Variants in CDK3 observed in about 807,000 individuals in gnomAD.
The protein encoded by CDK3 is cyclin-dependent kinase 3.
A neutral mutation model predicts 30.2 loss-of-function variants in CDK3; 24 were observed. The observed-to-expected ratio is 0.79, with a 90% CI of 0.57 to 1.12. CDK3 has a LOEUF of 1.12. CDK3 is among the 50% of genes most tolerant of loss of function. CDK3 has a pLI of 0.00. For synonymous variants in CDK3, 158 were observed against 154.2 expected, an observed-to-expected ratio of 1.02 and a Z score of -0.18; for missense variants, 345 against 376.0, an observed-to-expected ratio of 0.92 and a Z score of 0.68.
In CDK3 at chr17:76,001,329, G is replaced by A. The variant is rs746307381; in HGVS notation, c.-14-83G>A. 65 of 1,580,396 alleles carry A rather than the reference G, an allele frequency of 4.1e-5. No individual in the cohort carries two copies. The highest frequency in any genetic ancestry group is 1.6e-4 in the African/African-American group (12 of 74,334). ...GGGCAGTCTGGGCTGGGCTGGGCTG[G>A]GCAGGGCGCCACATGGAAGCTGGAG... is the stretch of plus-strand genomic sequence containing the variant. On this transcript the variant is annotated intron_variant, in intron 1 of 7. Transcript: ENST00000448471. The surrounding 1 kb of genome is among the most constrained non-coding windows in gnomAD (Gnocchi z 6.2).
rs753067780 is a variant in CDK3 at position 76,001,951 on chromosome 17, G to A, written c.194G>A (p.Arg65Gln). 3.4e-5 allele frequency: 55 copies of A among 1,613,696 alleles called. No individual in the cohort carries two copies. In the Admixed American group the frequency reaches 4.7e-4, roughly 14 times the overall value. Reference protein sequence around the residue: ...LKELKHPNIVRLLDVVHNERK... With the variant: ...LKELKHPNIVQLLDVVHNERK... ...GAACTGAAGCACCCCAACATCGTCCGGTGAGTTGGGGATTGAGGTGGGGAA... is the reference window on the plus strand; with the variant it reads ...GAACTGAAGCACCCCAACATCGTCCAGTGAGTTGGGGATTGAGGTGGGGAA... Residue 65 changes from arginine to glutamine, a missense_variant and splice_region_variant, in exon 3 of 8, where the codon CGA becomes CAA. Coordinates refer to ENST00000448471, the MANE Select transcript of CDK3 (RefSeq NM_001258.4). This position sits in a 1 kb window ranked among gnomAD's most constrained non-coding sequence, Gnocchi z 6.2.
In CDK3 at chr17:76,001,044, C is replaced by CAGGGCGCCACATG. The variant is rs2066253590; in HGVS notation, c.-15+77_-15+78insAGGGCGCCACATG. 1 of 1,151,834 alleles carries CAGGGCGCCACATG rather than the reference C, an allele frequency of 8.7e-7. No individual in the cohort carries two copies. 71.4% of individuals were successfully genotyped at this position (1,151,834 alleles called of 1,614,324 possible). ...GGGGTCCATGTTGGGCTGGGCTGGG[C>CAGGGCGCCACATG]GAGGGGTGGTCTCTGACTTCCTGGG... On this transcript the variant is annotated intron_variant, in intron 1 of 7. Coordinates refer to ENST00000448471, the MANE Select transcript of CDK3 (RefSeq NM_001258.4). The surrounding 1 kb of genome is among the most constrained non-coding windows in gnomAD (Gnocchi z 6.2).
chr17:76,001,474 G>A lies in CDK3; in HGVS notation c.49G>A (p.Val17Met), dbSNP rs1265522160. 5.0e-6 allele frequency: 8 copies of A among 1,614,036 alleles called. No homozygotes were observed. The highest frequency in any genetic ancestry group is 1.3e-5 in the African/African-American group (1 of 74,928). Residue 17 changes from valine to methionine, a missense_variant, in exon 2 of 8, where the codon GTG (valine) becomes ATG (methionine). By Grantham distance (21) the Val-to-Met change is conservative. Coordinates refer to ENST00000448471, the MANE Select transcript of CDK3 (RefSeq NM_001258.4). The surrounding 1 kb of genome is among the most constrained non-coding windows in gnomAD (Gnocchi z 6.2). ...VEKIGEGTYG[V>M]VYKAKNRETG... is the part of the protein sequence containing the mutation. ...GAAGATCGGAGAGGGCACCTATGGG[G>A]TGGTGTACAAGGCCAAGAACAGGGA...
chr17:76,000,977 G>A lies in CDK3; in HGVS notation c.-15+10G>A, dbSNP rs2066252778. The A allele has an allele frequency of 9.2e-7, 1 of 1,084,310 alleles. No homozygotes were observed. Among genetic ancestry groups the A allele is most frequent in the Admixed American group, 4.8e-5 (1 of 20,702 alleles). 67.2% of individuals were successfully genotyped at this position (1,084,310 alleles called of 1,614,324 possible). ...CTGGGCAGTGACCCAGGTGGGAAAG[G>A]GTGGTCTTGCCCTCTAAGGCCCGGC... On this transcript the variant is annotated intron_variant, in intron 1 of 7. Coordinates refer to ENST00000448471, the MANE Select transcript of CDK3 (RefSeq NM_001258.4). The surrounding 1 kb of genome is among the most constrained non-coding windows in gnomAD (Gnocchi z 5.9).
Position 76,002,920 on chromosome 17 carries a change from G to C in CDK3, c.589-275G>C. The stretch of plus-strand genomic sequence containing the variant: ...AGGTTGAGGCAGGAGGATTGCTTGA[G>C]CCTGTGGTTGAGGCTGCAGTGAGCT... On this transcript the variant is annotated intron_variant, in intron 6 of 7. Transcript: ENST00000448471. This position sits in a 1 kb window ranked among gnomAD's most constrained non-coding sequence, Gnocchi z 4.3. 1.8e-6 allele frequency: 1 copy of C among 547,362 alleles called. No individual in the cohort carries two copies. The highest frequency in any genetic ancestry group is 3.3e-6 in the Non-Finnish European group (1 of 305,628). The allele number at this position is 547,362 out of a possible 1,614,324, so 33.9% of individuals were successfully genotyped here.
rs755912088 is a variant in CDK3 at position 76,002,238 on chromosome 17, G to A, written c.316-10G>A. ...GCTCAGCTGGCTGCACCTCGCGCTCGTTTCTCCAGAGCTACCTCTTCCAGC... is the reference window on the plus strand; with the variant it reads ...GCTCAGCTGGCTGCACCTCGCGCTCATTTCTCCAGAGCTACCTCTTCCAGC... On this transcript the variant is annotated splice_polypyrimidine_tract_variant and intron_variant, in intron 4 of 7. Transcript: ENST00000448471. The surrounding 1 kb of genome is among the most constrained non-coding windows in gnomAD (Gnocchi z 4.3). 15 of 1,611,894 alleles carry A rather than the reference G, an allele frequency of 9.3e-6. No homozygotes were observed. Among genetic ancestry groups the A allele is most frequent in the Admixed American group, 5.0e-5 (3 of 59,946 alleles).
Position 76,002,909 on chromosome 17 carries a change from G to A in CDK3, c.589-286G>A, listed in dbSNP as rs1232678676. The A allele has an allele frequency of 9.2e-6, 5 of 543,232 alleles. No individual in the cohort carries two copies. The African/African-American group carries it at 9.5e-5, about 10-fold the overall frequency. The allele number at this position is 543,232 out of a possible 1,614,324, so 33.7% of individuals were successfully genotyped here. A position where few individuals can be genotyped will look rare whatever the true frequency, so the allele number is the denominator to read the frequency against. Reference sequence around the variant, plus strand: ...AGCTACTTGGGAGGTTGAGGCAGGAGGATTGCTTGAGCCTGTGGTTGAGGC... The same window carrying A: ...AGCTACTTGGGAGGTTGAGGCAGGAAGATTGCTTGAGCCTGTGGTTGAGGC... On this transcript the variant is annotated intron_variant, in intron 6 of 7. Coordinates refer to ENST00000448471, the MANE Select transcript of CDK3 (RefSeq NM_001258.4). This position sits in a 1 kb window ranked among gnomAD's most constrained non-coding sequence, Gnocchi z 4.3.
In CDK3 at chr17:76,002,174, A is replaced by T. The variant is rs1458958738; in HGVS notation, c.315+32A>T. ...AAGGAAGGGCAGGGAAGGAGAGGTGACACCCCATCCCTGCCATCCCTGTCC... is the reference window on the plus strand; with the variant it reads ...AAGGAAGGGCAGGGAAGGAGAGGTGTCACCCCATCCCTGCCATCCCTGTCC... On this transcript the variant is annotated intron_variant, in intron 4 of 7. Coordinates refer to ENST00000448471, the MANE Select transcript of CDK3 (RefSeq NM_001258.4). This position sits in a 1 kb window ranked among gnomAD's most constrained non-coding sequence, Gnocchi z 4.3. 1 of 1,612,878 alleles carries T rather than the reference A, an allele frequency of 6.2e-7. No homozygotes were observed. The highest frequency in any genetic ancestry group is 8.5e-7 in the Non-Finnish European group (1 of 1,179,528).
Position 76,001,767 on chromosome 17 carries a change from CG to C in CDK3, c.117-103del. The C allele has an allele frequency of 8.9e-7, 1 of 1,126,786 alleles. No individual in the cohort carries two copies. Among genetic ancestry groups the C allele is most frequent in the Non-Finnish European group, 1.3e-6 (1 of 794,230 alleles). 69.8% of individuals were successfully genotyped at this position (1,126,786 alleles called of 1,614,324 possible). A position where few individuals can be genotyped will look rare whatever the true frequency, so the allele number is the denominator to read the frequency against. ...GCCAAGGAGCACAGGTCTCCATTGC[CG>C]GGGCCCTGGTCATTCTGTGGGGTTA... is the stretch of plus-strand genomic sequence containing the variant. On this transcript the variant is annotated intron_variant, in intron 2 of 7. Transcript: ENST00000448471. The surrounding 1 kb of genome is among the most constrained non-coding windows in gnomAD (Gnocchi z 6.2).
rs1005826277 is a variant in CDK3 at position 76,003,054 on chromosome 17, T to C, written c.589-141T>C. 5 of 719,850 alleles carry C rather than the reference T, an allele frequency of 6.9e-6. No homozygotes were observed. The African/African-American group carries it at 8.8e-5, about 13-fold the overall frequency. 44.6% of individuals were successfully genotyped at this position (719,850 alleles called of 1,614,324 possible). ...AAAGGACTGAGGAAGGTAGCTTTAT[T>C]CCAAAAGAGGCCAGAATTCTTTGCA... On this transcript the variant is annotated intron_variant, in intron 6 of 7. Coordinates refer to ENST00000448471, the MANE Select transcript of CDK3 (RefSeq NM_001258.4).
chr17:76,003,602 C>T (rs181970665), intron 7 of CDK3, among the ~76,000 whole-genome samples: 8 of 152,346 alleles, frequency 5.3e-5, no homozygotes, highest in Admixed American at 6.5e-5. Context: ...GTGAAAGTGG[C>T]GCTCATTGAG....
chr17:76,002,628 C>T lies in CDK3; in HGVS notation c.588+16C>T, dbSNP rs1401642661. On this transcript the variant is annotated intron_variant, in intron 6 of 7. Coordinates refer to ENST00000448471, the MANE Select transcript of CDK3 (RefSeq NM_001258.4). The surrounding 1 kb of genome is among the most constrained non-coding windows in gnomAD (Gnocchi z 4.3). ...TGCAGAGATGGTAGAGAGAGGGGCACACATGGCCACAGGGTGCCACAGGCA... is the reference window on the plus strand; with the variant it reads ...TGCAGAGATGGTAGAGAGAGGGGCATACATGGCCACAGGGTGCCACAGGCA... The T allele has an allele frequency of 5.0e-6, 4 of 800,222 alleles. No individual in the cohort carries two copies. The highest frequency in any genetic ancestry group is 1.7e-5 in the Admixed American group (1 of 59,012). 49.6% of individuals were successfully genotyped at this position (800,222 alleles called of 1,614,324 possible). A position where few individuals can be genotyped will look rare whatever the true frequency, so the allele number is the denominator to read the frequency against.
chr17:76,005,474 T>C lies in CDK3; in HGVS notation c.*51T>C. On this transcript the variant is annotated 3_prime_UTR_variant, in exon 8 of 8. Coordinates refer to ENST00000448471, the MANE Select transcript of CDK3 (RefSeq NM_001258.4). The surrounding 1 kb of genome is among the most constrained non-coding windows in gnomAD (Gnocchi z 4.7). Reference sequence around the variant, plus strand: ...TTTCTCGAGCAGCTGCTGCCCCAGCTGCCTCCTACCCATTGCCAAGAGAGG... The same window carrying C: ...TTTCTCGAGCAGCTGCTGCCCCAGCCGCCTCCTACCCATTGCCAAGAGAGG... 1.3e-6 allele frequency: 2 copies of C among 1,584,874 alleles called. No individual in the cohort carries two copies. Among genetic ancestry groups the C allele is most frequent in the South Asian group, 2.3e-5 (2 of 87,640 alleles).
Position 76,003,388 on chromosome 17 carries a change from A to G in CDK3, c.782A>G (p.Asp261Gly), listed in dbSNP as rs1474976382. 1.2e-6 allele frequency: 2 copies of G among 1,613,032 alleles called. No homozygotes were observed. The highest frequency in any genetic ancestry group is 2.7e-5 in the African/African-American group (2 of 74,914). Residue 261 changes from aspartate (D) to glycine (G), a missense_variant, in exon 7 of 8, where the codon GAC becomes GGC. Transcript: ENST00000448471. ...IVPNLEPEGR[D>G]LLMQLLQYDP... Reference sequence around the variant, plus strand: ...CCCAATCTGGAGCCAGAGGGCAGGGACCTGCTCATGGTAGGTGCATGTGGG... The same window carrying G: ...CCCAATCTGGAGCCAGAGGGCAGGGGCCTGCTCATGGTAGGTGCATGTGGG...
At position 76,002,275 on chromosome 17, in the gene CDK3, G is replaced by A. The variant is rs769212297; in HGVS notation, c.343G>A (p.Val115Met). 1 of 1,611,838 alleles carries A rather than the reference G, an allele frequency of 6.2e-7. No homozygotes were observed. The highest frequency in any genetic ancestry group is 8.5e-7 in the Non-Finnish European group (1 of 1,179,970). The change falls in exon 5 of 8, where the codon GTG becomes ATG. Residue 115 changes from valine (V) to methionine (M), a missense_variant. Val to Met is a conservative substitution (Grantham distance 21, BLOSUM62 1). Coordinates refer to ENST00000448471, the MANE Select transcript of CDK3 (RefSeq NM_001258.4). The surrounding 1 kb of genome is among the most constrained non-coding windows in gnomAD (Gnocchi z 4.3). ...CTACCTCTTCCAGCTGCTGCAGGGGGTGAGTTTCTGCCACTCACATCGGGT... is the reference window on the plus strand; with the variant it reads ...CTACCTCTTCCAGCTGCTGCAGGGGATGAGTTTCTGCCACTCACATCGGGT... ...KSYLFQLLQG[V>M]SFCHSHRVIH...
Position 76,005,224 on chromosome 17 carries a change from G to T in CDK3, c.793-74G>T. 6.4e-7 allele frequency: 1 copy of T among 1,558,772 alleles called. No homozygotes were observed. The highest frequency in any genetic ancestry group is 1.2e-5 in the South Asian group (1 of 84,218). ...AATTTGGGGCCCAGGCCCTTGATCTGGGACCTGGGAGGGGAATTTCTCACC... is the reference window on the plus strand; with the variant it reads ...AATTTGGGGCCCAGGCCCTTGATCTTGGACCTGGGAGGGGAATTTCTCACC... On this transcript the variant is annotated intron_variant, in intron 7 of 7. Coordinates refer to ENST00000448471, the MANE Select transcript of CDK3 (RefSeq NM_001258.4). This position sits in a 1 kb window ranked among gnomAD's most constrained non-coding sequence, Gnocchi z 4.7.
At chr17:76,004,219 G>GTTTTTTTT (rs59029490) in intron 7 of CDK3, among the ~76,000 whole-genome samples, 26,437 of 91,072 alleles carry the variant, frequency 0.29, 6,282 homozygotes, top group East Asian at 0.6. Flanking sequence ...AGAACCGTCT[G>GTTTTTTTT]TTTTTTTTTT....
rs2066300514 is a variant in CDK3, at chr17:76,005,064, G to A, written c.793-234G>A. The stretch of plus-strand genomic sequence containing the variant: ...TGGGACCTGGGACCCTCCCCGAGAA[G>A]GGGGGTGACTCAGCTTCAGTGGCCT... On this transcript the variant is annotated intron_variant, in intron 7 of 7. Transcript: ENST00000448471. This position sits in a 1 kb window ranked among gnomAD's most constrained non-coding sequence, Gnocchi z 4.7. Among the ~76,000 whole-genome samples the A allele has an allele frequency of 6.6e-6, 1 of 152,178 alleles. No homozygotes were observed. The highest frequency in any genetic ancestry group is 1.5e-5 in the Non-Finnish European group (1 of 68,016).
chr17:76,001,721 G>C lies in CDK3; in HGVS notation c.117-153G>C, dbSNP rs1254873714. 6 of 904,152 alleles carry C rather than the reference G, an allele frequency of 6.6e-6. No individual in the cohort carries two copies. In the African/African-American group the frequency reaches 6.7e-5, roughly 10 times the overall value. The allele number at this position is 904,152 out of a possible 1,614,324, so 56.0% of individuals were successfully genotyped here. ...ACCAGCCTTTGCCGGGGCCCTGACT[G>C]TGGAGTTTGGTGGATGACGTGCCAA... On this transcript the variant is annotated intron_variant, in intron 2 of 7. Coordinates refer to ENST00000448471, the MANE Select transcript of CDK3 (RefSeq NM_001258.4). The surrounding 1 kb of genome is among the most constrained non-coding windows in gnomAD (Gnocchi z 6.2).
Sources: gnomAD v4.1 joint callset for allele counts (sites outside exome capture counted in the v4.1 genomes callset) on GRCh38, gnomAD v4.1.1 for gene constraint, Gnocchi (gnomAD v3.1) non-coding constraint, MANE v1.5 for transcripts, NCBI Gene and HGNC (gene_info 2026-07-23, HGNC 2026-07-21) for gene names.